The following UROC1 variants were observed in gnomAD, a reference collection of about 807,000 sequenced individuals.
The protein encoded by UROC1 is urocanate hydratase.
In UROC1, 79 loss-of-function variants were observed where a neutral mutation model predicts 89.5. The observed-to-expected ratio is 0.88, with a 90% CI of 0.74 to 1.06. The LOEUF (loss-of-function observed/expected upper bound fraction) is 1.06, where lower values mean the gene tolerates loss of function less well. UROC1 is among the 50% of genes least tolerant of loss of function. UROC1 has a pLI of 0.00. For missense variants in UROC1, 885 were observed against 907.8 expected (o/e 0.97, Z 0.32); for synonymous variants, 361 against 354.8 (o/e 1.02, Z -0.20).
chr3:126,499,227 G>T, intron 13 of UROC1, 110 bp downstream of exon 13: 2 of 1,205,554 alleles, frequency 1.7e-6, no homozygotes, highest in South Asian at 1.3e-5. Context: ...CATGACCTCA[G>T]GGGCGGTCAG....
chr3:126,488,318 A>C, intron 17 of UROC1, 39 bp from the exon 18 acceptor site: 1 of 1,611,430 alleles, frequency 6.2e-7, no homozygotes, highest in Non-Finnish European at 8.5e-7. Context: ...CACCCCCTGC[A>C]CTGGGTGGGC....
chr3:126,487,848 G>A (rs1267263441), intron 18 of UROC1, among the ~76,000 whole-genome samples: 1 of 152,344 alleles, frequency 6.6e-6, no homozygotes, highest in South Asian at 2.1e-4. Flanking sequence ...GGCCATGAAA[G>A]CGCCGGGAAT....
chr3:126,496,130 G>A (rs748998894), intron 14 of UROC1, 22 bp from the exon 15 acceptor site: 9 of 1,609,960 alleles, frequency 5.6e-6, no homozygotes, highest in South Asian at 4.4e-5. Flanking sequence ...AGGACAGCAG[G>A]CGTCAGAGAC....
In UROC1 at chr3:126,507,684, A is replaced by G; in HGVS notation, c.602+58T>C. ...GTATTTAATATCACCACTTTGCTTT[A>G]TAATGACCCATGGCTAACGGGGAAA... On this transcript the variant is annotated intron_variant, in intron 6 of 19. Transcript: ENST00000290868. The G allele has an allele frequency of 3.2e-6, 5 of 1,562,542 alleles. No homozygotes were observed. The East Asian group carries it at 1.1e-4, about 35-fold the overall frequency.
chr3:126,512,752 C>A (rs1936222912), intron 1 of UROC1, among the ~76,000 whole-genome samples: 1 of 152,098 alleles, frequency 6.6e-6, no homozygotes, highest in South Asian at 2.1e-4. Flanking sequence ...ATATAATGAA[C>A]TTTTCAAACA....
At chr3:126,493,333 C>G (rs944608830) in intron 15 of UROC1, among the ~76,000 whole-genome samples, 1 of 152,196 alleles carries the variant, frequency 6.6e-6, no homozygotes, top group Non-Finnish European at 1.5e-5. Context: ...ACGTTCACAG[C>G]AGCATGACAA....
chr3:126,502,578 G>A (rs796809520), intron 9 of UROC1, among the ~76,000 whole-genome samples: 25 of 151,850 alleles, frequency 1.6e-4, no homozygotes, highest in African/African-American at 5.8e-4. Context: ...GTTTGTGTTT[G>A]TGTGTGCATG....
chr3:126,486,247 T>C (rs576333107), intron 18 of UROC1, among the ~76,000 whole-genome samples: 2 of 152,364 alleles, frequency 1.3e-5, no homozygotes, highest in East Asian at 3.9e-4. Flanking sequence ...CCACTGGAAC[T>C]GACCCTCTCA....
chr3:126,489,625 C>A (rs1439442859), intron 16 of UROC1, among the ~76,000 whole-genome samples: 1 of 152,164 alleles, frequency 6.6e-6, no homozygotes, highest in Admixed American at 6.5e-5. Flanking sequence ...ATAGGCACAA[C>A]CATTATCATG....
intron 8 of UROC1, among the ~76,000 whole-genome samples, chr3:126,505,140 G>A (rs1306451864): frequency 1.3e-5 from 2 of 152,196 alleles, no homozygotes; most frequent in East Asian, 3.9e-4. Flanking sequence ...CTCAACAGAA[G>A]CAGATGTGGG....
At chr3:126,508,198 G>C in intron 4 of UROC1, 103 bp from the exon 5 acceptor site, 1 of 1,603,280 alleles carries the variant, frequency 6.2e-7, no homozygotes, top group East Asian at 2.2e-5. Flanking sequence ...AGGCCCCCAG[G>C]TCTCCATTCC....
At chr3:126,507,429 TAAGTAGCAC>T (rs1936090276) in intron 6 of UROC1, among the ~76,000 whole-genome samples, 1 of 151,662 alleles carries the variant, frequency 6.6e-6, no homozygotes, top group Admixed American at 6.6e-5. Flanking sequence ...GTGAGTATGG[TAAGTAGCAC>T]ATTCGTCACA....
At chr3:126,493,332 G>A (rs1194810363) in intron 15 of UROC1, among the ~76,000 whole-genome samples, 1 of 152,220 alleles carries the variant, frequency 6.6e-6, no homozygotes, top group Non-Finnish European at 1.5e-5. Context: ...CACGTTCACA[G>A]CAGCATGACA....
In UROC1 at chr3:126,517,587, T is replaced by C; in HGVS notation, c.126+7A>G. 1 of 1,612,342 alleles carries C rather than the reference T, an allele frequency of 6.2e-7. No individual in the cohort carries two copies. The highest frequency in any genetic ancestry group is 8.5e-7 in the Non-Finnish European group (1 of 1,179,714). On this transcript the variant is annotated splice_region_variant and intron_variant, in intron 1 of 19. Coordinates refer to ENST00000290868, the MANE Select transcript of UROC1 (RefSeq NM_144639.3). Reference sequence around the variant, plus strand: ...CAAGGCCTCGGGAGCACGGGCCCACTGCTTACCTGTTTCTCCACAGGGCTG... The same window carrying C: ...CAAGGCCTCGGGAGCACGGGCCCACCGCTTACCTGTTTCTCCACAGGGCTG...
intron 16 of UROC1, among the ~76,000 whole-genome samples, chr3:126,490,588 G>A (rs989655087): frequency 2.6e-5 from 4 of 152,080 alleles, no homozygotes; most frequent in Admixed American, 6.5e-5. Context: ...GGGGAGCTGA[G>A]GCATGAGAAT....
At chr3:126,500,195 TG>T in intron 11 of UROC1, 41 bp from the exon 12 acceptor site, 1 of 1,599,198 alleles carries the variant, frequency 6.3e-7, no homozygotes, top group Non-Finnish European at 8.5e-7. Context: ...TGTGAGGCCC[TG>T]GGGCCTCCCC....
chr3:126,492,343 G>T (rs6783680), intron 16 of UROC1, 75 bp downstream of exon 16: 2 of 1,408,158 alleles, frequency 1.4e-6, no homozygotes, highest in Admixed American at 1.9e-5. Context: ...CGAGGCACAC[G>T]CAGGAAGGCC....
intron 15 of UROC1, among the ~76,000 whole-genome samples, chr3:126,493,908 G>A (rs536309691): frequency 3.2e-4 from 49 of 152,308 alleles, no homozygotes; most frequent in African/African-American, 1.1e-3. Context: ...GCCGGGCCAC[G>A]GAAGCAGCTG....
At chr3:126,501,125 T>C (rs1935909837) in intron 10 of UROC1, 93 bp downstream of exon 10, 1 of 1,392,670 alleles carries the variant, frequency 7.2e-7, no homozygotes, top group South Asian at 1.2e-5. Context: ...CAAAGCTTTG[T>C]GTCCTGGCAG....
Sources: gnomAD v4.1 joint callset for allele counts (sites outside exome capture counted in the v4.1 genomes callset) on GRCh38, gnomAD v4.1.1 for gene constraint, MANE v1.5 for transcripts, NCBI Gene and HGNC (gene_info 2026-07-23, HGNC 2026-07-21) for gene names.